The following CAMTA1 variants were observed in gnomAD, a reference collection of about 807,000 sequenced individuals.
The protein encoded by CAMTA1 is calmodulin binding transcription activator 1.
CAMTA1 carries 27 observed loss-of-function variants against 170.9 expected under a neutral mutation model. That is an observed-to-expected ratio of 0.16 (90% CI 0.12 to 0.22). The LOEUF (loss-of-function observed/expected upper bound fraction) is 0.22. Among genes scored for constraint, CAMTA1 ranks in the 10% least tolerant of loss-of-function variants. CAMTA1 has a pLI of 1.00. For synonymous variants in CAMTA1, 833 were observed against 891.5 expected, an observed-to-expected ratio of 0.93 and a Z score of 1.17; for missense variants, 1,619 against 2,217.2, an observed-to-expected ratio of 0.73 and a Z score of 5.42.
rs547729238 is a variant in CAMTA1, at chr1:6,961,564, G to C, written c.235-129740G>C. 5.2e-3 allele frequency among the ~76,000 whole-genome samples: 688 copies of C among 133,500 alleles called. 4 individuals carry two copies. The highest frequency in any genetic ancestry group is 8.8e-3 in the Non-Finnish European group (556 of 63,504). 87.6% of individuals were successfully genotyped at this position (133,500 alleles called of 152,430 possible). On this transcript the variant is annotated intron_variant, in intron 3 of 22. Transcript: ENST00000303635. The stretch of plus-strand genomic sequence containing the variant: ...CCTGGGCTGAGCCGGGGGCGTGAGA[G>C]CCCAGGGCTCTCAGTCATGTTTCCT...
chr1:7,300,454 A>G lies in CAMTA1; in HGVS notation c.438+50828A>G, dbSNP rs1304008373. Among the ~76,000 whole-genome samples, 1 of 152,240 alleles carries G rather than the reference A, an allele frequency of 6.6e-6. No homozygotes were observed. The highest frequency in any genetic ancestry group is 2.4e-5 in the African/African-American group (1 of 41,462). ...TACTTTGGGAGGCCAAGGCAGGCGGATCACCTGAGGTCAGGAGTTCGAGAC... is the reference window on the plus strand; with the variant it reads ...TACTTTGGGAGGCCAAGGCAGGCGGGTCACCTGAGGTCAGGAGTTCGAGAC... On this transcript the variant is annotated intron_variant, in intron 5 of 22. Coordinates refer to ENST00000303635, the MANE Select transcript of CAMTA1 (RefSeq NM_015215.4). This position sits in a 1 kb window ranked among gnomAD's most constrained non-coding sequence, Gnocchi z 4.1.
intron 3 of CAMTA1, among the ~76,000 whole-genome samples, chr1:6,903,870 T>C (rs887815033): frequency 6.6e-6 from 1 of 152,194 alleles, no homozygotes; most frequent in African/African-American, 2.4e-5. Context: ...TGCTCCAGTT[T>C]CCTGTGGACA....
intron 6 of CAMTA1, among the ~76,000 whole-genome samples, chr1:7,527,662 G>A (rs2094445658): frequency 6.6e-6 from 1 of 152,198 alleles, no homozygotes; most frequent in South Asian, 2.1e-4. Context: ...ATGCTCATCG[G>A]GCACAGCCCA....
Position 7,664,720 on chromosome 1 carries a change from G to T in CAMTA1, c.2173G>T (p.Gly725Trp). The T allele has an allele frequency of 6.2e-7, 1 of 1,608,484 alleles. No homozygotes were observed. The highest frequency in any genetic ancestry group is 8.5e-7 in the Non-Finnish European group (1 of 1,176,380). ...SEHYLQPETN[G>W]VIRSAGGVPI... ...GCACTACCTGCAGCCGGAGACCAACGGGGTAATCCGAAGCGCCGGCGGCGT... is the reference window on the plus strand; with the variant it reads ...GCACTACCTGCAGCCGGAGACCAACTGGGTAATCCGAAGCGCCGGCGGCGT... Residue 725 changes from glycine (G) to tryptophan (W), a missense_variant, in exon 9 of 23, where the codon GGG (glycine) becomes TGG (tryptophan). Physicochemically the swap from Gly to Trp is radical, Grantham distance 184 (BLOSUM62 -2). Around this residue, in one of 8 missense-constraint regions of CAMTA1, gnomAD observed 731 missense variants for 907.6 expected, o/e 0.81. Transcript: ENST00000303635.
rs951102089 is a variant in CAMTA1 at position 7,438,032 on chromosome 1, G to A, written c.439-29798G>A. ...CAGAGGGCCTTGCTGAGAGTGGGAC[G>A]TTTGAGCAGAATCTGAAGGAGAGGG... On this transcript the variant is annotated intron_variant, in intron 5 of 22. Transcript: ENST00000303635. 2.0e-5 allele frequency among the ~76,000 whole-genome samples: 3 copies of A among 152,344 alleles called. No homozygotes were observed. The South Asian group carries it at 6.2e-4, about 32-fold the overall frequency.
In CAMTA1 at chr1:7,748,629, T is replaced by A. The variant is rs1040252498; in HGVS notation, c.4689+848T>A. ...GTGATTGGAGAAAGTAAATGCTGGCTATTTATTACCTTTGAGTTTGAATTA... is the reference window on the plus strand; with the variant it reads ...GTGATTGGAGAAAGTAAATGCTGGCAATTTATTACCTTTGAGTTTGAATTA... On this transcript the variant is annotated intron_variant, in intron 19 of 22. Coordinates refer to ENST00000303635, the MANE Select transcript of CAMTA1 (RefSeq NM_015215.4). This position sits in a 1 kb window ranked among gnomAD's most constrained non-coding sequence, Gnocchi z 4.7. 6.6e-6 allele frequency among the ~76,000 whole-genome samples: 1 copy of A among 152,260 alleles called. No homozygotes were observed. Among genetic ancestry groups the A allele is most frequent in the Non-Finnish European group, 1.5e-5 (1 of 68,046 alleles).
intron 1 of CAMTA1, among the ~76,000 whole-genome samples, chr1:6,786,475 G>C (rs1005347211): frequency 3.3e-5 from 5 of 152,026 alleles, no homozygotes; most frequent in African/African-American, 1.2e-4. Flanking sequence ...ATTCTTTTGG[G>C]GCCTCTGCAC....
Position 7,580,838 on chromosome 1 carries a change from G to C in CAMTA1, c.511-59562G>C, listed in dbSNP as rs2095254458. Among the ~76,000 whole-genome samples, 1 of 152,204 alleles carries C rather than the reference G, an allele frequency of 6.6e-6. No homozygotes were observed. The highest frequency in any genetic ancestry group is 1.5e-5 in the Non-Finnish European group (1 of 68,042). On this transcript the variant is annotated intron_variant, in intron 6 of 22. Transcript: ENST00000303635. The surrounding 1 kb of genome is among the most constrained non-coding windows in gnomAD (Gnocchi z 4.3). ...CGTGCCCATCACAAGCCCATCCTTA[G>C]AGGGTTCAGAGTCATATGGTGTGAA...
intron 3 of CAMTA1, among the ~76,000 whole-genome samples, chr1:6,944,992 C>T (rs561211110): frequency 1.3e-5 from 2 of 152,172 alleles, no homozygotes; most frequent in Admixed American, 1.3e-4. Flanking sequence ...GTAGCCCCAT[C>T]GTACGTCGAG....
At chr1:6,898,899 A>AT (rs5772257) in intron 3 of CAMTA1, among the ~76,000 whole-genome samples, 9,790 of 150,172 alleles carry the variant, frequency 0.065, 339 homozygotes, top group Middle Eastern at 0.093. Context: ...ATTTTGTTTG[A>AT]TTTTTTTTTT....
At chr1:6,812,716 T>TA (rs541908450) in intron 1 of CAMTA1, among the ~76,000 whole-genome samples, 3 of 152,080 alleles carry the variant, frequency 2.0e-5, no homozygotes, top group African/African-American at 7.2e-5. Context: ...AAGAATAATT[T>TA]AAAAAAAACT....
In CAMTA1 at chr1:6,898,350, G is replaced by A. The variant is rs1335169837; in HGVS notation, c.234+73140G>A. ...AGGCAGATCACGAGGTCAGGAGATC[G>A]AGACCATCCTGGCTAACACGGTGAA... On this transcript the variant is annotated intron_variant, in intron 3 of 22. Transcript: ENST00000303635. 2.6e-5 allele frequency among the ~76,000 whole-genome samples: 4 copies of A among 152,078 alleles called. No homozygotes were observed. The East Asian group carries it at 5.8e-4, about 22-fold the overall frequency.
intron 1 of CAMTA1, among the ~76,000 whole-genome samples, chr1:6,796,150 T>A (rs1423098693): frequency 7.0e-6 from 1 of 143,270 alleles, no homozygotes; most frequent in Non-Finnish European, 1.5e-5. Flanking sequence ...TTTTTTTTTT[T>A]TTTTTTTTGG....
intron 3 of CAMTA1, among the ~76,000 whole-genome samples, chr1:6,861,292 A>C (rs1327251904): frequency 6.6e-6 from 1 of 152,170 alleles, no homozygotes; most frequent in Non-Finnish European, 1.5e-5. Flanking sequence ...TCATTTGTCT[A>C]ACATCTCTGT....
intron 3 of CAMTA1, among the ~76,000 whole-genome samples, chr1:6,896,149 G>C (rs964212034): frequency 2.0e-5 from 3 of 152,164 alleles, no homozygotes; most frequent in African/African-American, 4.8e-5. Flanking sequence ...GAAAAAAACT[G>C]CTCTAAACTT....
At chr1:7,571,979 T>C (rs2095131520) in intron 6 of CAMTA1, among the ~76,000 whole-genome samples, 1 of 152,202 alleles carries the variant, frequency 6.6e-6, no homozygotes, top group Non-Finnish European at 1.5e-5. Flanking sequence ...TCCCCTTTTC[T>C]CTGCAACCTC....
Position 7,756,813 on chromosome 1 carries a change from A to C in CAMTA1, c.4989+1145A>C, listed in dbSNP as rs1212475352. On this transcript the variant is annotated intron_variant, in intron 22 of 22. Transcript: ENST00000303635. ...CAGTGAGCTGTGAACATGCCACTGC[A>C]CTCCAGCCTGAGCAACAGAGCGAGA... Among the ~76,000 whole-genome samples, 3 of 152,166 alleles carry C rather than the reference A, an allele frequency of 2.0e-5. No homozygotes were observed. The East Asian group carries it at 5.8e-4, about 29-fold the overall frequency.
chr1:7,514,816 G>A (rs370578314), intron 6 of CAMTA1, among the ~76,000 whole-genome samples: 1 of 152,142 alleles, frequency 6.6e-6, no homozygotes, highest in Non-Finnish European at 1.5e-5. Context: ...TGTTCCATTC[G>A]GGGCCCAAGA....
rs995231383 is a variant in CAMTA1, at chr1:7,580,537, G to A, written c.511-59863G>A. On this transcript the variant is annotated intron_variant, in intron 6 of 22. Transcript: ENST00000303635. This position sits in a 1 kb window ranked among gnomAD's most constrained non-coding sequence, Gnocchi z 4.3. ...ACAGCCCTCTTCCCATGAGCCAGGT[G>A]GCAGACAGGACACCCGCACATGGAG... Among the ~76,000 whole-genome samples, 2 of 152,100 alleles carry A rather than the reference G, an allele frequency of 1.3e-5. No homozygotes were observed. Among genetic ancestry groups the A allele is most frequent in the Admixed American group, 1.3e-4 (2 of 15,274 alleles).
Sources: gnomAD v4.1 joint callset for allele counts (sites outside exome capture counted in the v4.1 genomes callset) on GRCh38, gnomAD v4.1.1 for gene constraint, gnomAD v4.1.1 regional missense constraint, Gnocchi (gnomAD v3.1) non-coding constraint, MANE v1.5 for transcripts, NCBI Gene and HGNC (gene_info 2026-07-23, HGNC 2026-07-21) for gene names.